Variants in PINX1 observed in about 807,000 individuals in gnomAD.
PINX1 encodes the protein PIN2/TERF1-interacting telomerase inhibitor 1.
Under a neutral mutation model 25.4 loss-of-function variants are expected in PINX1, and 34 were observed. The ratio of observed to expected loss-of-function variants is 1.34; its 90% CI spans 1.02 to 1.78. PINX1 has a LOEUF of 1.78. PINX1 is among the 40% of genes most tolerant of loss of function. PINX1 has a pLI of 0.00. For synonymous variants in PINX1, 197 were observed against 147.7 expected, an observed-to-expected ratio of 1.33 and a Z score of -2.42; for missense variants, 592 against 404.9, an observed-to-expected ratio of 1.46 and a Z score of -3.97.
intron 6 of PINX1, among the ~76,000 whole-genome samples, chr8:10,801,738 T>C (rs772250179): frequency 6.6e-6 from 1 of 152,144 alleles, no homozygotes; most frequent in Non-Finnish European, 1.5e-5. Flanking sequence ...CCACCTCTAA[T>C]GAAAAAGAAT....
At chr8:10,814,643 C>A (rs1010654962) in intron 6 of PINX1, among the ~76,000 whole-genome samples, 1 of 152,210 alleles carries the variant, frequency 6.6e-6, no homozygotes, top group Admixed American at 6.5e-5. Flanking sequence ...ATGAGTACTT[C>A]CTACTCTCAG....
chr8:10,819,315 A>T (rs1412872658), intron 6 of PINX1, among the ~76,000 whole-genome samples: 4 of 152,222 alleles, frequency 2.6e-5, no homozygotes, highest in Non-Finnish European at 2.9e-5. Context: ...GTCTGGAAAA[A>T]TGCCAGGAAT....
At chr8:10,794,657 C>A (rs915329755) in intron 6 of PINX1, among the ~76,000 whole-genome samples, 11 of 152,128 alleles carry the variant, frequency 7.2e-5, no homozygotes, top group Admixed American at 2.6e-4. Context: ...GAACTCCTGA[C>A]CTTGTGATCC....
intron 6 of PINX1, among the ~76,000 whole-genome samples, chr8:10,818,336 C>G (rs1320504265): frequency 6.6e-6 from 1 of 152,310 alleles, no homozygotes; most frequent in African/African-American, 2.4e-5. Flanking sequence ...CTCACTTTAA[C>G]ATGACTTAGC....
At chr8:10,767,725 C>T (rs562742068) in intron 6 of PINX1, among the ~76,000 whole-genome samples, 2 of 147,954 alleles carry the variant, frequency 1.4e-5, no homozygotes, top group Admixed American at 6.7e-5. Flanking sequence ...ACCCTCACAG[C>T]CACAGAGACA....
chr8:10,837,936 C>G (rs1327388455), intron 1 of PINX1, among the ~76,000 whole-genome samples: 1 of 152,198 alleles, frequency 6.6e-6, no homozygotes, highest in South Asian at 2.1e-4. Flanking sequence ...TTAAAGGAAG[C>G]GAAAGCCTAC....
intron 5 of PINX1, among the ~76,000 whole-genome samples, chr8:10,821,395 G>A (rs928085609): frequency 6.6e-6 from 1 of 152,244 alleles, no homozygotes; most frequent in African/African-American, 2.4e-5. Flanking sequence ...AGCAGTACCA[G>A]ATGAAGTGGC....
intron 6 of PINX1, among the ~76,000 whole-genome samples, chr8:10,807,330 C>CCT (rs1358002159): frequency 6.7e-5 from 6 of 89,092 alleles, no homozygotes; most frequent in Non-Finnish European, 1.2e-4. Context: ...CCCCCCCACC[C>CCT]CCCCCCCCAC....
At chr8:10,766,938 G>C (rs1801069319) in intron 6 of PINX1, among the ~76,000 whole-genome samples, 1 of 152,106 alleles carries the variant, frequency 6.6e-6, no homozygotes, top group Non-Finnish European at 1.5e-5. Flanking sequence ...AAGTGCTTTC[G>C]GGTTGAAGAC....
intron 6 of PINX1, among the ~76,000 whole-genome samples, chr8:10,811,334 G>T (rs1797516219): frequency 6.6e-6 from 1 of 152,162 alleles, no homozygotes; most frequent in Non-Finnish European, 1.5e-5. Flanking sequence ...AGAAACCAGA[G>T]TAGAACATTC....
chr8:10,825,733 T>C (rs1586201522), intron 5 of PINX1, among the ~76,000 whole-genome samples: 1 of 152,346 alleles, frequency 6.6e-6, no homozygotes, highest in South Asian at 2.1e-4. Context: ...GGTATCAATA[T>C]AGAGCATAAT....
intron 5 of PINX1, among the ~76,000 whole-genome samples, chr8:10,823,795 T>C (rs1380105834): frequency 1.3e-5 from 2 of 152,126 alleles, no homozygotes; most frequent in African/African-American, 4.8e-5. Context: ...TCCTCTGTGC[T>C]CCAGCCTGGG....
At chr8:10,765,956 A>C (rs1291377127) in intron 6 of PINX1, 40 bp from the exon 7 acceptor site, 2 of 1,596,544 alleles carry the variant, frequency 1.3e-6, no homozygotes, top group African/African-American at 2.7e-5. Context: ...GTAAGCATCA[A>C]CTGTTCATCC....
At chr8:10,782,520 G>T (rs557926395) in intron 6 of PINX1, among the ~76,000 whole-genome samples, 1 of 152,220 alleles carries the variant, frequency 6.6e-6, no homozygotes, top group South Asian at 2.1e-4. Context: ...CGGATCATCT[G>T]AGGTCGGGAG....
intron 6 of PINX1, among the ~76,000 whole-genome samples, chr8:10,781,246 C>G (rs1801576617): frequency 6.6e-6 from 1 of 152,072 alleles, no homozygotes; most frequent in Non-Finnish European, 1.5e-5. Context: ...CCATTAAACT[C>G]CCAGAAGAAA....
intron 1 of PINX1, among the ~76,000 whole-genome samples, chr8:10,836,354 A>C (rs954575059): frequency 6.6e-6 from 1 of 152,252 alleles, no homozygotes; most frequent in Non-Finnish European, 1.5e-5. Context: ...AATACTCAGC[A>C]TAACACTGCG....
intron 6 of PINX1, among the ~76,000 whole-genome samples, chr8:10,802,721 C>G (rs570368137): frequency 6.6e-6 from 1 of 152,278 alleles, no homozygotes; most frequent in African/African-American, 2.4e-5. Flanking sequence ...GGGCGAAGAT[C>G]TCTATGAAGG....
intron 6 of PINX1, among the ~76,000 whole-genome samples, chr8:10,784,329 T>C (rs75922400): frequency 2.0e-5 from 3 of 152,198 alleles, no homozygotes; most frequent in Non-Finnish European, 4.4e-5. Context: ...GATCACAAAG[T>C]AAGCAGGCAC....
At chr8:10,819,766 G>A (rs1797808320) in intron 6 of PINX1, among the ~76,000 whole-genome samples, 1 of 152,098 alleles carries the variant, frequency 6.6e-6, no homozygotes, top group Non-Finnish European at 1.5e-5. Flanking sequence ...TGTTAGAATG[G>A]GACAGGCTGG....
Sources: allele counts gnomAD v4.1 joint callset (sites outside exome capture counted in the v4.1 genomes callset), GRCh38; gene constraint gnomAD v4.1.1; transcripts MANE v1.5; gene names NCBI Gene and HGNC (gene_info 2026-07-23, HGNC 2026-07-21).